Variants in ECI1 observed in about 807,000 individuals in gnomAD.
ECI1 encodes the protein enoyl-CoA delta isomerase 1, also known as enoyl-CoA delta isomerase 1, mitochondrial.
ECI1 carries 34 observed loss-of-function variants against 34.2 expected under a neutral mutation model. The ratio of observed to expected loss-of-function variants is 1.00; its 90% CI spans 0.76 to 1.33. ECI1 has a LOEUF of 1.33. Ranked by LOEUF, ECI1 falls within the 40% of genes most tolerant of loss-of-function variation. ECI1 has a pLI of 0.00. For missense variants in ECI1, 456 were observed against 422.2 expected, an observed-to-expected ratio of 1.08 and a Z score of -0.70; for synonymous variants, 211 against 193.0, an observed-to-expected ratio of 1.09 and a Z score of -0.77.
intron 6 of ECI1, chr16:2,242,658 G>T (rs1359632489): frequency 3.5e-6 from 1 of 284,312 alleles, no homozygotes; most frequent in African/African-American, 2.2e-5. Flanking sequence ...CCTGAGAAGG[G>T]AGAGAGAGAC....
At chr16:2,246,073 G>A (rs115925759) in intron 3 of ECI1, among the ~76,000 whole-genome samples, 1,799 of 152,190 alleles carry the variant, frequency 0.012, 29 homozygotes, top group African/African-American at 0.04. Flanking sequence ...GCCAGCCTCC[G>A]AGGACCCCTC....
intron 6 of ECI1, 156 bp downstream of exon 6, chr16:2,242,890 C>T (rs1476491279): frequency 2.7e-5 from 18 of 669,130 alleles, no homozygotes; most frequent in Non-Finnish European, 3.7e-5. Flanking sequence ...CTGGGCCACC[C>T]GGTCTGTGCT....
At chr16:2,250,970 C>G (rs931356880) in intron 2 of ECI1, among the ~76,000 whole-genome samples, 1 of 152,152 alleles carries the variant, frequency 6.6e-6, no homozygotes, top group Non-Finnish European at 1.5e-5. Context: ...CACCACCACG[C>G]CCAGCTAATT....
chr16:2,249,924 G>A lies in ECI1; in HGVS notation c.166+1392C>T, dbSNP rs187235634. On this transcript the variant is annotated intron_variant, in intron 2 of 6. Transcript: ENST00000301729. ...AAAAAAAGACAAAGTAGAGTTTGGAGTCAGAAAGTCAGGCCTGACTGAGAT... is the reference window on the plus strand; with the variant it reads ...AAAAAAAGACAAAGTAGAGTTTGGAATCAGAAAGTCAGGCCTGACTGAGAT... 6.4e-4 allele frequency among the ~76,000 whole-genome samples: 85 copies of A among 133,704 alleles called. 1 individual carries two copies. The highest frequency in any genetic ancestry group is 1.7e-3 in the Admixed American group (22 of 12,784). The allele number at this position is 133,704 out of a possible 152,430, so 87.7% of individuals were successfully genotyped here.
chr16:2,251,309 C>G lies in ECI1; in HGVS notation c.166+7G>C. 8.3e-7 allele frequency: 1 copy of G among 1,197,802 alleles called. No individual in the cohort carries two copies. The highest frequency in any genetic ancestry group is 1.0e-6 in the Non-Finnish European group (1 of 960,292). The allele number at this position is 1,197,802 out of a possible 1,614,324, so 74.2% of individuals were successfully genotyped here. A position where few individuals can be genotyped will look rare whatever the true frequency, so the allele number is the denominator to read the frequency against. ...ACGCCCGCCCTCCCTCGGCGCCGCC[C>G]GCTCACCTGCGCCCGCGTCCGGCTC... On this transcript the variant is annotated splice_region_variant and intron_variant, in intron 2 of 6. Transcript: ENST00000301729.
chr16:2,245,499 C>A (rs2093538283), intron 3 of ECI1, among the ~76,000 whole-genome samples: 1 of 152,248 alleles, frequency 6.6e-6, no homozygotes, highest in Admixed American at 6.5e-5. Flanking sequence ...TGTTCCCAAA[C>A]AGGTGTGAGC....
Position 2,239,824 on chromosome 16 carries a change from G to A in ECI1, c.*155C>T. The A allele has an allele frequency of 3.8e-6, 3 of 796,000 alleles. No individual in the cohort carries two copies. Among genetic ancestry groups the A allele is most frequent in the South Asian group, 1.5e-5 (1 of 67,324 alleles). 49.3% of individuals were successfully genotyped at this position (796,000 alleles called of 1,614,324 possible). A position where few individuals can be genotyped will look rare whatever the true frequency, so the allele number is the denominator to read the frequency against. ...CCCATGTGTGTTTGTGTGTGGCTGG[G>A]CCTTGGGCCACTGGGCTATGAGGAA... is the stretch of plus-strand genomic sequence containing the variant. On this transcript the variant is annotated 3_prime_UTR_variant, in exon 7 of 7. Transcript: ENST00000301729.
At chr16:2,246,554 C>T (rs779078298) in intron 3 of ECI1, among the ~76,000 whole-genome samples, 4 of 152,124 alleles carry the variant, frequency 2.6e-5, no homozygotes, top group Admixed American at 6.5e-5. Flanking sequence ...GGCTGTCTCC[C>T]GGGAAGGGCG....
chr16:2,244,270 A>T, intron 4 of ECI1, 136 bp downstream of exon 4: 1 of 1,072,118 alleles, frequency 9.3e-7, no homozygotes, highest in Non-Finnish European at 1.4e-6. Flanking sequence ...GATGGCGCTC[A>T]CCTGTGCACA....
intron 3 of ECI1, among the ~76,000 whole-genome samples, chr16:2,246,190 C>T (rs566210145): frequency 6.2e-4 from 94 of 152,346 alleles, no homozygotes; most frequent in African/African-American, 2.1e-3. Flanking sequence ...ACCGTTCCCA[C>T]AGATGACACG....
At chr16:2,242,811 A>C in intron 6 of ECI1, 3 of 564,748 alleles carry the variant, frequency 5.3e-6, no homozygotes, top group Non-Finnish European at 6.4e-6. Context: ...GCAGGGAGGA[A>C]GTGCAGTCCT....
At chr16:2,248,179 GTCCACCTCC>G (rs2093544928) in intron 2 of ECI1, among the ~76,000 whole-genome samples, 1 of 144,412 alleles carries the variant, frequency 6.9e-6, no homozygotes. Flanking sequence ...TCACTACAAC[GTCCACCTCC>G]CGGGTTCAAG....
Position 2,240,057 on chromosome 16 carries a change from G to A in ECI1, c.831C>T (p.Phe277=), listed in dbSNP as rs756441949. The A allele has an allele frequency of 3.1e-5, 50 of 1,613,884 alleles. No individual in the cohort carries two copies. The highest frequency in any genetic ancestry group is 3.6e-5 in the Non-Finnish European group (42 of 1,180,028). ...VTQRDADVQN[F]VSFISKDSIQ... ...TGGAGTCTTTGGAGATGAAGCTGAC[G>A]AAGTTCTGCACGTCCGCATCGCGCT... Residue 277 remains phenylalanine (F), a synonymous_variant, in exon 7 of 7, where the codon TTC becomes TTT. Coordinates refer to ENST00000301729, the MANE Select transcript of ECI1 (RefSeq NM_001919.4).
At chr16:2,240,660 T>C in intron 6 of ECI1, 1 of 162,662 alleles carries the variant, frequency 6.1e-6, no homozygotes, top group East Asian at 1.8e-4. Flanking sequence ...TAGCTGGGAC[T>C]ACAGGCGTGC....
chr16:2,239,891 G>A lies in ECI1; in HGVS notation c.*88C>T. The A allele has an allele frequency of 7.2e-7, 1 of 1,386,554 alleles. No individual in the cohort carries two copies. The highest frequency in any genetic ancestry group is 1.0e-6 in the Non-Finnish European group (1 of 974,890). 85.9% of individuals were successfully genotyped at this position (1,386,554 alleles called of 1,614,324 possible). ...ACATCAGCAAAATGAAACGCTGGCAGTACTTTTAAGTTGAAAAATACCTTG... is the reference window on the plus strand; with the variant it reads ...ACATCAGCAAAATGAAACGCTGGCAATACTTTTAAGTTGAAAAATACCTTG... On this transcript the variant is annotated 3_prime_UTR_variant, in exon 7 of 7. Transcript: ENST00000301729.
At chr16:2,240,523 TG>T (rs755467925) in intron 6 of ECI1, 16 of 275,698 alleles carry the variant, frequency 5.8e-5, no homozygotes, top group African/African-American at 2.7e-4. Context: ...AATTTTTTTT[TG>T]TTTTGTTTTG....
At chr16:2,244,352 C>A in intron 4 of ECI1, 54 bp downstream of exon 4, 1 of 1,585,862 alleles carries the variant, frequency 6.3e-7, no homozygotes, top group Non-Finnish European at 8.6e-7. Flanking sequence ...TGTCCCACCC[C>A]CTGGCGCTGG....
intron 3 of ECI1, among the ~76,000 whole-genome samples, chr16:2,244,900 G>C (rs1292392788): frequency 6.6e-6 from 1 of 152,222 alleles, no homozygotes; most frequent in Non-Finnish European, 1.5e-5. Context: ...GAAGACTCCT[G>C]AGAATCCAGA....
chr16:2,243,296 T>C (rs1196029471), intron 5 of ECI1, 22 bp downstream of exon 5: 1 of 1,613,500 alleles, frequency 6.2e-7, no homozygotes. Context: ...GCATGGAGCG[T>C]GGCTGCAGCC....
Sources: gnomAD v4.1 joint callset for allele counts (sites outside exome capture counted in the v4.1 genomes callset) on GRCh38, gnomAD v4.1.1 for gene constraint, MANE v1.5 for transcripts, NCBI Gene and HGNC (gene_info 2026-07-23, HGNC 2026-07-21) for gene names.